Variants in AR observed in about 807,000 individuals in gnomAD.
The protein encoded by AR is dihydrotestosterone receptor.
AR carries 8 observed loss-of-function variants against 53.9 expected under a neutral mutation model. The ratio of observed to expected loss-of-function variants is 0.15; its 90% CI spans 0.09 to 0.27. The LOEUF (loss-of-function observed/expected upper bound fraction) is 0.27. Ranked by LOEUF, AR falls within the 10% of genes least tolerant of loss-of-function variation. The pLI, the probability that AR is intolerant of heterozygous loss-of-function variation, is 1.00. For missense variants in AR, 639 were observed against 742.5 expected (o/e 0.86, Z 1.62); for synonymous variants, 359 against 316.4 (o/e 1.13, Z -1.43).
intron 1 of AR, among the ~76,000 whole-genome samples, chrX:67,628,568 C>G: frequency 9.2e-6 from 1 of 108,785 alleles, no homozygotes; most frequent in Non-Finnish European, 1.9e-5. Context: ...GATATACAAT[C>G]ATGTCATCTG....
chrX:67,591,461 C>G (rs1440585853), intron 1 of AR, among the ~76,000 whole-genome samples: 1 of 111,703 alleles, frequency 9.0e-6, no homozygotes, highest in Non-Finnish European at 1.9e-5. Flanking sequence ...CCTTTCAACT[C>G]CAAATGCAGC....
intron 2 of AR, among the ~76,000 whole-genome samples, chrX:67,649,343 A>G (rs756080304): frequency 8.9e-6 from 1 of 112,256 alleles, no homozygotes; most frequent in East Asian, 2.8e-4. Context: ...ATACGTATGC[A>G]TGCGTCTTTA....
chrX:67,694,753 G>T (rs2076011891), intron 3 of AR: 4 of 1,151,390 alleles, frequency 3.5e-6, no homozygotes, highest in African/African-American at 3.6e-5. Context: ...TTCAAAATGA[G>T]GGCTCTAGAG....
Position 67,545,513 on chromosome X carries a change from C to A in AR, c.367C>A (p.Leu123Met). ...EQQPSQPQSA[L>M]ECHPERGCVP... ...GCAACCTTCACAGCCGCAGTCGGCC[C>A]TGGAGTGCCACCCCGAGAGAGGTTG... Residue 123 changes from leucine to methionine, a missense_variant, in exon 1 of 8, where the codon CTG becomes ATG. Transcript: ENST00000374690. 8.4e-7 allele frequency: 1 copy of A among 1,192,563 alleles called. No individual in the cohort carries two copies. The highest frequency in any genetic ancestry group is 1.1e-6 in the Non-Finnish European group (1 of 885,994).
At chrX:67,575,934 A>G (rs1457637460) in intron 1 of AR, among the ~76,000 whole-genome samples, 1 of 111,711 alleles carries the variant, frequency 9.0e-6, no homozygotes, top group African/African-American at 3.3e-5. Flanking sequence ...TAAGTTTCAC[A>G]TGAAAAAGAC....
chrX:67,683,961 A>G (rs765043210), intron 2 of AR, among the ~76,000 whole-genome samples: 4 of 111,708 alleles, frequency 3.6e-5, no homozygotes, highest in Non-Finnish European at 7.5e-5. Context: ...TAGAACTATT[A>G]TGGGAGCCAT....
chrX:67,586,400 A>G (rs1602173200), intron 1 of AR, among the ~76,000 whole-genome samples: 1 of 111,733 alleles, frequency 8.9e-6, no homozygotes, highest in African/African-American at 3.3e-5. Flanking sequence ...ACCTGGAAAC[A>G]TCCCAATTCA....
intron 1 of AR, among the ~76,000 whole-genome samples, chrX:67,548,863 G>A (rs941647411): frequency 4.5e-5 from 5 of 111,568 alleles, no homozygotes; most frequent in Non-Finnish European, 9.4e-5. Flanking sequence ...GAATTTAGCA[G>A]TTCCTGCAGA....
At chrX:67,568,248 G>A (rs565001359) in intron 1 of AR, among the ~76,000 whole-genome samples, 3 of 111,598 alleles carry the variant, frequency 2.7e-5, no homozygotes, top group South Asian at 3.7e-4. Flanking sequence ...GTGCTTCTTC[G>A]CTAGACACGA....
chrX:67,615,029 A>T (rs1924048966), intron 1 of AR, among the ~76,000 whole-genome samples: 1 of 110,961 alleles, frequency 9.0e-6, no homozygotes, highest in Non-Finnish European at 1.9e-5. Context: ...ATAGATCAAT[A>T]TAGATTATTC....
At chrX:67,578,480 C>A (rs975557876) in intron 1 of AR, among the ~76,000 whole-genome samples, 4 of 111,520 alleles carry the variant, frequency 3.6e-5, no homozygotes, top group Admixed American at 9.5e-5. Flanking sequence ...AGTGGGAAAT[C>A]ATGAAACCCC....
chrX:67,572,617 C>A (rs1486722149), intron 1 of AR, among the ~76,000 whole-genome samples: 2 of 111,151 alleles, frequency 1.8e-5, no homozygotes, highest in African/African-American at 6.5e-5. Context: ...AAAAGGACAG[C>A]TTCTTAAAGT....
At chrX:67,721,113 A>G (rs770187255) in intron 5 of AR, among the ~76,000 whole-genome samples, 8 of 111,660 alleles carry the variant, frequency 7.2e-5, no homozygotes, top group African/African-American at 9.8e-5. Flanking sequence ...CAACTCACAT[A>G]TGTCTACAGT....
At chrX:67,718,208 CG>C (rs1406678498) in intron 5 of AR, among the ~76,000 whole-genome samples, 6 of 111,579 alleles carry the variant, frequency 5.4e-5, no homozygotes, top group Non-Finnish European at 9.4e-5. Flanking sequence ...AAGATTCAAA[CG>C]TATGTCCCTG....
At position 67,724,954 on chromosome X, in the gene AR, A is replaced by T. The variant is rs947821498; in HGVS notation, c.*1113A>T. 1.2e-5 allele frequency: 2 copies of T among 173,220 alleles called. No individual in the cohort carries two copies. Among genetic ancestry groups the T allele is most frequent in the Non-Finnish European group, 2.2e-5 (2 of 91,313 alleles). 14.3% of individuals were successfully genotyped at this position (173,220 alleles called of 1,213,427 possible). ...GGAGCTGGAGCCAGAGGAGAAGAAA[A>T]TGATAGCTTGGCTGTTCTCCTGCTT... On this transcript the variant is annotated 3_prime_UTR_variant, in exon 8 of 8. Coordinates refer to ENST00000374690, the MANE Select transcript of AR (RefSeq NM_000044.6).
intron 3 of AR, among the ~76,000 whole-genome samples, chrX:67,704,638 C>A (rs1474638669): frequency 1.8e-5 from 2 of 111,630 alleles, no homozygotes; most frequent in Non-Finnish European, 3.8e-5. Flanking sequence ...TGTGTAGAAG[C>A]TCTTTAGTTT....
chrX:67,714,911 G>T (rs1169495970), intron 4 of AR, among the ~76,000 whole-genome samples: 1 of 111,897 alleles, frequency 8.9e-6, no homozygotes, highest in East Asian at 2.8e-4. Context: ...TTGCTGATAT[G>T]TGCACAGTTA....
chrX:67,659,902 T>A (rs902174432), intron 2 of AR, among the ~76,000 whole-genome samples: 2 of 111,717 alleles, frequency 1.8e-5, no homozygotes, highest in African/African-American at 3.3e-5. Context: ...TTTTTAATGA[T>A]CACCATTCTA....
At chrX:67,672,682 C>T (rs896457629) in intron 2 of AR, among the ~76,000 whole-genome samples, 4 of 111,041 alleles carry the variant, frequency 3.6e-5, no homozygotes, top group African/African-American at 1.3e-4. Flanking sequence ...TTTGTCGTTT[C>T]TATTTACATC....
Sources: gnomAD v4.1 joint callset for allele counts (sites outside exome capture counted in the v4.1 genomes callset) on GRCh38, gnomAD v4.1.1 for gene constraint, MANE v1.5 for transcripts, NCBI Gene and HGNC (gene_info 2026-07-23, HGNC 2026-07-21) for gene names.